FAM171A1: variants seen among roughly 807,000 people sequenced by gnomAD.
FAM171A1 encodes the protein protein FAM171A1.
A neutral mutation model predicts 74.9 loss-of-function variants in FAM171A1; 23 were observed. The ratio of observed to expected loss-of-function variants is 0.31; its 90% CI spans 0.22 to 0.44. The LOEUF (loss-of-function observed/expected upper bound fraction) is 0.44, where lower values mean the gene tolerates loss of function less well. Ranked by LOEUF, FAM171A1 falls within the 20% of genes least tolerant of loss-of-function variation. The pLI is 1.00. For synonymous variants in FAM171A1, 527 were observed against 505.7 expected (o/e 1.04, Z -0.57); for missense variants, 1,162 against 1,159.2 (o/e 1.00, Z -0.03).
rs1381650739 is a variant in FAM171A1 at position 15,212,570 on chromosome 10, TC to T, written c.*344del. 7.1e-6 allele frequency: 2 copies of T among 281,454 alleles called. No homozygotes were observed. The highest frequency in any genetic ancestry group is 9.1e-5 in the East Asian group (1 of 11,008). 17.4% of individuals were successfully genotyped at this position (281,454 alleles called of 1,614,324 possible). ...AAGCGATGCAAAAAGTTTCATCTGT[TC>T]CCAGAATCCGAGGGAGAACTGAGGT... On this transcript the variant is annotated 3_prime_UTR_variant, in exon 8 of 8. Transcript: ENST00000378116.
chr10:15,213,239 C>A lies in FAM171A1; in HGVS notation c.2349G>T (p.Thr783=). The A allele has an allele frequency of 6.2e-7, 1 of 1,614,088 alleles. No homozygotes were observed. Among genetic ancestry groups the A allele is most frequent in the Non-Finnish European group, 8.5e-7 (1 of 1,180,032 alleles). The change falls in exon 8 of 8, where the codon ACG becomes ACT. Residue 783 remains threonine, a synonymous_variant. Coordinates refer to ENST00000378116, the MANE Select transcript of FAM171A1 (RefSeq NM_001010924.2). The surrounding 1 kb of genome is among the most constrained non-coding windows in gnomAD (Gnocchi z 6.8). ...CCAGGTACACGAGCTGCGTGTAGGC[C>A]GTGCTGTCTGGGGCTCGAGGCTCTT... The part of the protein sequence containing the change: ...QQKEPRAPDS[T]AYTQLVYLDD...
At chr10:15,327,890 A>C (rs1355447278) in intron 1 of FAM171A1, among the ~76,000 whole-genome samples, 2 of 151,258 alleles carry the variant, frequency 1.3e-5, no homozygotes, top group Non-Finnish European at 2.9e-5. Flanking sequence ...CACACAATTT[A>C]CCCATATCAC....
chr10:15,263,059 G>T (rs1834680773), intron 3 of FAM171A1, among the ~76,000 whole-genome samples: 1 of 152,218 alleles, frequency 6.6e-6, no homozygotes, highest in Non-Finnish European at 1.5e-5. Flanking sequence ...AACAGGAAAA[G>T]GACCATCTGG....
chr10:15,315,232 T>C (rs916211382), intron 1 of FAM171A1, among the ~76,000 whole-genome samples: 7 of 152,164 alleles, frequency 4.6e-5, no homozygotes, highest in Non-Finnish European at 8.8e-5. Context: ...AGAGAGTGGT[T>C]CCACTCTGGA....
intron 1 of FAM171A1, among the ~76,000 whole-genome samples, chr10:15,349,021 A>G (rs1162935765): frequency 1.3e-5 from 2 of 152,224 alleles, no homozygotes; most frequent in East Asian, 3.8e-4. Context: ...ATTTACATGA[A>G]TCGGGAGGGA....
intron 4 of FAM171A1, among the ~76,000 whole-genome samples, chr10:15,249,758 T>A (rs966647562): frequency 2.0e-4 from 31 of 152,254 alleles, no homozygotes; most frequent in African/African-American, 7.2e-4. Context: ...TTATTTTCCA[T>A]TAAAGGCCTT....
intron 1 of FAM171A1, among the ~76,000 whole-genome samples, chr10:15,293,479 G>C (rs1226532429): frequency 6.6e-6 from 1 of 151,996 alleles, no homozygotes; most frequent in Non-Finnish European, 1.5e-5. Flanking sequence ...GGAGTTTACG[G>C]TTTTGCGGGG....
At chr10:15,314,131 G>A (rs1029897488) in intron 1 of FAM171A1, among the ~76,000 whole-genome samples, 5 of 152,148 alleles carry the variant, frequency 3.3e-5, no homozygotes, top group African/African-American at 4.8e-5. Context: ...CTGGTCATGC[G>A]GTATCTGGTA....
chr10:15,276,382 T>G (rs1293523485), intron 2 of FAM171A1, among the ~76,000 whole-genome samples: 1 of 152,160 alleles, frequency 6.6e-6, no homozygotes, highest in Non-Finnish European at 1.5e-5. Flanking sequence ...GGTTTTACTG[T>G]GTTGGCGAAG....
chr10:15,276,664 T>C (rs909890089), intron 2 of FAM171A1, among the ~76,000 whole-genome samples: 2 of 152,190 alleles, frequency 1.3e-5, no homozygotes, highest in African/African-American at 4.8e-5. Flanking sequence ...TGGGAACTAA[T>C]AACATGATAG....
intron 1 of FAM171A1, among the ~76,000 whole-genome samples, chr10:15,315,590 T>A (rs1335123013): frequency 1.3e-5 from 2 of 152,226 alleles, no homozygotes; most frequent in Non-Finnish European, 2.9e-5. Flanking sequence ...AGCACTTGTA[T>A]CTGGGCAAAT....
Position 15,216,005 on chromosome 10 carries a change from T to C in FAM171A1, c.977A>G (p.Tyr326Cys). ...ILLVLLCLLL[Y>C]YCRRKCLKPR... ...AATGGTAACACTTTACCTGCAATAA[T>C]ATAAAAGGAGACACAGCAAAACCAA... is the stretch of plus-strand genomic sequence containing the variant. Residue 326 changes from tyrosine to cysteine, a missense_variant, in exon 7 of 8, where the codon TAT (tyrosine) becomes TGT (cysteine). Transcript: ENST00000378116. 6.3e-7 allele frequency: 1 copy of C among 1,598,440 alleles called. No homozygotes were observed. The highest frequency in any genetic ancestry group is 8.5e-7 in the Non-Finnish European group (1 of 1,175,028).
At position 15,295,773 on chromosome 10, in the gene FAM171A1, C is replaced by T. The variant is rs756451162; in HGVS notation, c.98-11668G>A. ...AGCAGGCCATGCAAATGCTCTCACC[C>T]CAAGTAGCCCAGCACTCCTGTGGCT... On this transcript the variant is annotated intron_variant, in intron 1 of 7. Transcript: ENST00000378116. Among the ~76,000 whole-genome samples the T allele has an allele frequency of 3.4e-4, 52 of 152,308 alleles. 1 individual carries two copies. Among genetic ancestry groups the T allele is most frequent in the Admixed American group, 2.1e-3 (32 of 15,302 alleles).
intron 5 of FAM171A1, among the ~76,000 whole-genome samples, chr10:15,222,323 T>C (rs12360020): frequency 0.23 from 34,238 of 152,094 alleles, 4,159 homozygotes; most frequent in African/African-American, 0.31. Flanking sequence ...GCAAACATCA[T>C]AGAGCGTCCT....
intron 3 of FAM171A1, among the ~76,000 whole-genome samples, chr10:15,256,049 A>G (rs926341081): frequency 6.6e-6 from 1 of 152,212 alleles, no homozygotes; most frequent in African/African-American, 2.4e-5. Context: ...CAAACCTGGC[A>G]AAAGCATTGT....
At chr10:15,326,366 G>A (rs922209132) in intron 1 of FAM171A1, among the ~76,000 whole-genome samples, 2 of 152,042 alleles carry the variant, frequency 1.3e-5, no homozygotes, top group Non-Finnish European at 2.9e-5. Flanking sequence ...CCAGGCTGGA[G>A]TGCAGTGGCA....
chr10:15,335,640 C>T (rs1189430787), intron 1 of FAM171A1, among the ~76,000 whole-genome samples: 1 of 152,156 alleles, frequency 6.6e-6, no homozygotes, highest in Non-Finnish European at 1.5e-5. Flanking sequence ...AGATGCTGAA[C>T]TTGTTTGATT....
At chr10:15,286,269 G>A (rs1367536625) in intron 1 of FAM171A1, among the ~76,000 whole-genome samples, 1 of 152,152 alleles carries the variant, frequency 6.6e-6, no homozygotes, top group Non-Finnish European at 1.5e-5. Context: ...CTCTCAGAGA[G>A]TATTAATACC....
intron 1 of FAM171A1, among the ~76,000 whole-genome samples, chr10:15,342,091 C>G (rs537890091): frequency 6.6e-6 from 1 of 152,336 alleles, no homozygotes; most frequent in East Asian, 1.9e-4. Flanking sequence ...GGTCTTTATG[C>G]TACTTTGATT....
Sources: gnomAD v4.1 joint callset for allele counts (sites outside exome capture counted in the v4.1 genomes callset) on GRCh38, gnomAD v4.1.1 for gene constraint, Gnocchi (gnomAD v3.1) non-coding constraint, MANE v1.5 for transcripts, NCBI Gene and HGNC (gene_info 2026-07-23, HGNC 2026-07-21) for gene names.